PLBD2: variants seen among roughly 807,000 people sequenced by gnomAD.
PLBD2 encodes the protein phospholipase B domain containing 2.
A neutral mutation model predicts 68.3 loss-of-function variants in PLBD2; 51 were observed. The observed-to-expected ratio is 0.75, with a 90% CI of 0.60 to 0.94. The LOEUF (loss-of-function observed/expected upper bound fraction) is 0.94, where lower values mean the gene tolerates loss of function less well. PLBD2 is among the 40% of genes least tolerant of loss of function. The pLI is 0.00. For missense variants in PLBD2, 729 were observed against 792.2 expected (o/e 0.92, Z 0.96); for synonymous variants, 314 against 339.3 (o/e 0.93, Z 0.82).
chr12:113,374,690 G>T (rs1189639369), intron 4 of PLBD2, 103 bp from the exon 5 acceptor site: 1 of 1,488,410 alleles, frequency 6.7e-7, no homozygotes, highest in Non-Finnish European at 9.2e-7. Context: ...CCTTGGAACA[G>T]TCAGCTGACT....
chr12:113,370,472 C>CTTTTTTTTTTTTTT (rs71086162), intron 2 of PLBD2, among the ~76,000 whole-genome samples: 3 of 103,642 alleles, frequency 2.9e-5, no homozygotes, highest in Admixed American at 1.0e-4. Flanking sequence ...TTTTTCTTTT[C>CTTTTTTTTTTTTTT]TTTTTTTTTT....
rs750819854 is a variant in PLBD2, at chr12:113,384,896, G to A, written c.1164G>A (p.Pro388=). The A allele has an allele frequency of 4.7e-5, 76 of 1,613,870 alleles. No homozygotes were observed. Among genetic ancestry groups the A allele is most frequent in the Middle Eastern group, 1.6e-4 (1 of 6,078 alleles). Residue 388 remains proline, a synonymous_variant, in exon 8 of 12, where the codon CCG becomes CCA. Transcript: ENST00000280800. The surrounding 1 kb of genome is among the most constrained non-coding windows in gnomAD (Gnocchi z 4.2). ...WMIVDYKAFI[P]GGPSPGSRVL... ...TCGTGGACTACAAGGCGTTCATCCC[G>A]GGTGGGCCCAGCCCCGGGAGCCGGG...
intron 6 of PLBD2, among the ~76,000 whole-genome samples, chr12:113,382,867 GTT>G (rs67376686): frequency 1.6e-4 from 13 of 81,794 alleles, no homozygotes; most frequent in Non-Finnish European, 2.3e-4. Context: ...GTGTGTGTGT[GTT>G]TTTTTTTTTT....
chr12:113,361,680 G>T (rs1957298505), intron 1 of PLBD2, among the ~76,000 whole-genome samples: 1 of 151,822 alleles, frequency 6.6e-6, no homozygotes, highest in African/African-American at 2.4e-5. Context: ...TTGACTTTGG[G>T]CCAACACCCC....
chr12:113,372,223 G>A lies in PLBD2; in HGVS notation c.385-426G>A, dbSNP rs1394682179. On this transcript the variant is annotated intron_variant, in intron 2 of 11. Coordinates refer to ENST00000280800, the MANE Select transcript of PLBD2 (RefSeq NM_173542.4). The surrounding 1 kb of genome is among the most constrained non-coding windows in gnomAD (Gnocchi z 4.2). ...ATCTCGGTGGGAAGTGCAGAGGGCC[G>A]CATGAAGTCTGGGTGAAACTGCCAC... Among the ~76,000 whole-genome samples the A allele has an allele frequency of 2.0e-5, 3 of 149,476 alleles. No individual in the cohort carries two copies. Among genetic ancestry groups the A allele is most frequent in the Admixed American group, 1.3e-4 (2 of 15,020 alleles).
At chr12:113,379,392 G>A (rs1245551913) in intron 5 of PLBD2, among the ~76,000 whole-genome samples, 2 of 151,804 alleles carry the variant, frequency 1.3e-5, no homozygotes, top group Non-Finnish European at 2.9e-5. Flanking sequence ...AAGAGGTCTG[G>A]GTAGAATCCC....
At chr12:113,382,874 T>G (rs1399577632) in intron 6 of PLBD2, among the ~76,000 whole-genome samples, 826 of 136,960 alleles carry the variant, frequency 6.0e-3, no homozygotes, top group Non-Finnish European at 8.9e-3. Context: ...TGTGTTTTTT[T>G]TTTTTTTTTT....
chr12:113,374,952 G>A lies in PLBD2; in HGVS notation c.804G>A (p.Gln268=). ...CCCACAACACCTGGAACAACTACCA[G>A]CACATGCTGCGTGTCATCAAGAAGT... is the stretch of plus-strand genomic sequence containing the variant. ...LVAHNTWNNY[Q]HMLRVIKKYW... The change falls in exon 5 of 12, where the codon CAG becomes CAA. Residue 268 remains glutamine (Q), a synonymous_variant. Transcript: ENST00000280800. 1 of 1,614,140 alleles carries A rather than the reference G, an allele frequency of 6.2e-7. No individual in the cohort carries two copies. The highest frequency in any genetic ancestry group is 1.1e-5 in the South Asian group (1 of 91,082).
At chr12:113,367,845 G>T (rs963424300) in intron 1 of PLBD2, among the ~76,000 whole-genome samples, 3 of 151,826 alleles carry the variant, frequency 2.0e-5, no homozygotes, top group African/African-American at 7.3e-5. Context: ...ACTTTGGGAG[G>T]CTGAGGTGGG....
chr12:113,370,730 G>A (rs1487047575), intron 2 of PLBD2, among the ~76,000 whole-genome samples: 1 of 152,076 alleles, frequency 6.6e-6, no homozygotes, highest in African/African-American at 2.4e-5. Context: ...TGCCCACCTC[G>A]GCTTCCCAGA....
intron 5 of PLBD2, among the ~76,000 whole-genome samples, chr12:113,378,978 G>T (rs866679463): frequency 1.3e-5 from 2 of 152,200 alleles, no homozygotes; most frequent in Middle Eastern, 3.4e-3. Context: ...CCGGCCTACT[G>T]GTCCCTTTGT....
chr12:113,375,047 G>GT (rs1565861236), intron 5 of PLBD2, 40 bp downstream of exon 5: 1 of 1,593,984 alleles, frequency 6.3e-7, no homozygotes, highest in Admixed American at 1.7e-5. Flanking sequence ...GAGCAGGTGG[G>GT]TGGGCACACA....
chr12:113,387,168 C>T, intron 10 of PLBD2, 79 bp downstream of exon 10: 1 of 1,465,060 alleles, frequency 6.8e-7, no homozygotes, highest in Admixed American at 2.6e-5. Context: ...TTTGTACCAA[C>T]TCATTCAAAC....
chr12:113,379,316 A>G (rs1046804179), intron 5 of PLBD2, among the ~76,000 whole-genome samples: 4 of 151,348 alleles, frequency 2.6e-5, no homozygotes, highest in Non-Finnish European at 5.9e-5. Flanking sequence ...TCAAAAAAAA[A>G]AAAAAAAAAA....
At position 113,384,864 on chromosome 12, in the gene PLBD2, T is replaced by A; in HGVS notation, c.1132T>A (p.Trp378Arg). 1.9e-6 allele frequency: 3 copies of A among 1,612,768 alleles called. No individual in the cohort carries two copies. The highest frequency in any genetic ancestry group is 2.5e-6 in the Non-Finnish European group (3 of 1,179,522). ...CCTGCCCGGCAGGTATAACAACCAGTGGATGATCGTGGACTACAAGGCGTT... is the reference window on the plus strand; with the variant it reads ...CCTGCCCGGCAGGTATAACAACCAGAGGATGATCGTGGACTACAAGGCGTT... ...RFNSGTYNNQWMIVDYKAFIP... is the reference protein window; with the variant it reads ...RFNSGTYNNQRMIVDYKAFIP... The change falls in exon 8 of 12, where the codon TGG becomes AGG. Residue 378 changes from tryptophan (W) to arginine (R), a missense_variant. Coordinates refer to ENST00000280800, the MANE Select transcript of PLBD2 (RefSeq NM_173542.4). The surrounding 1 kb of genome is among the most constrained non-coding windows in gnomAD (Gnocchi z 4.2).
intron 5 of PLBD2, 104 bp from the exon 6 acceptor site, chr12:113,380,641 G>A (rs373279324): frequency 3.1e-5 from 27 of 875,272 alleles, no homozygotes; most frequent in African/African-American, 1.3e-4. Flanking sequence ...GGGCTTCCTC[G>A]GAGGCCTGCC....
chr12:113,378,160 C>T (rs973365394), intron 5 of PLBD2, among the ~76,000 whole-genome samples: 9 of 152,070 alleles, frequency 5.9e-5, no homozygotes, highest in Admixed American at 3.9e-4. Context: ...GGCGTGGTGG[C>T]GCACACCTGT....
rs1957254744 is a variant in PLBD2, at chr12:113,358,605, T to G, written c.5T>G (p.Val2Gly). M[V>G]GQMYCYPGSH... is the part of the protein sequence containing the mutation. ...GGGGCGCAGCATTGTGCGGTCATGG[T>G]GGGCCAGATGTACTGCTACCCCGGC... The change falls in exon 1 of 12, where the codon GTG becomes GGG. Residue 2 changes from valine to glycine, a missense_variant. Coordinates refer to ENST00000280800, the MANE Select transcript of PLBD2 (RefSeq NM_173542.4). 1 of 1,469,636 alleles carries G rather than the reference T, an allele frequency of 6.8e-7. No homozygotes were observed. The highest frequency in any genetic ancestry group is 8.9e-7 in the Non-Finnish European group (1 of 1,119,108). The allele number at this position is 1,469,636 out of a possible 1,614,324, so 91.0% of individuals were successfully genotyped here.
At chr12:113,380,026 C>G (rs964881227) in intron 5 of PLBD2, among the ~76,000 whole-genome samples, 3 of 152,198 alleles carry the variant, frequency 2.0e-5, no homozygotes, top group African/African-American at 7.2e-5. Flanking sequence ...CTCCCATATC[C>G]TATAATCATC....
Sources: allele counts gnomAD v4.1 joint callset (sites outside exome capture counted in the v4.1 genomes callset), GRCh38; gene constraint gnomAD v4.1.1; non-coding constraint Gnocchi (gnomAD v3.1); transcripts MANE v1.5; gene names NCBI Gene and HGNC (gene_info 2026-07-23, HGNC 2026-07-21).